Variants in ATF1 observed in about 807,000 individuals in gnomAD.
ATF1 encodes the protein cyclic AMP-dependent transcription factor ATF-1.
ATF1 carries 16 observed loss-of-function variants against 34.7 expected under a neutral mutation model. The ratio of observed to expected loss-of-function variants is 0.46; its 90% CI spans 0.31 to 0.70. ATF1 has a LOEUF of 0.70. ATF1 is among the 30% of genes least tolerant of loss of function. The probability of loss-of-function intolerance (pLI) is 0.05; values close to 1 mark genes in which losing one functional copy is unlikely to be tolerated. For synonymous variants in ATF1, 105 were observed against 113.1 expected, an observed-to-expected ratio of 0.93 and a Z score of 0.46; for missense variants, 255 against 321.6, an observed-to-expected ratio of 0.79 and a Z score of 1.58.
chr12:50,814,373 T>C lies in ATF1; in HGVS notation c.605T>C (p.Leu202Pro), dbSNP rs1174926851. 11 of 1,614,202 alleles carry C rather than the reference T, an allele frequency of 6.8e-6. No individual in the cohort carries two copies. The highest frequency in any genetic ancestry group is 1.7e-5 in the Admixed American group (1 of 60,028). ...GTGGTGATGACATCTCCTGTGACTC[T>C]CACCTCTCAGACAACTAAGACAGAT... ...QTVVMTSPVT[L>P]TSQTTKTDDP... is the part of the protein sequence containing the mutation. The change falls in exon 6 of 7, where the codon CTC becomes CCC. Residue 202 changes from leucine to proline, a missense_variant. Physicochemically the swap from Leu to Pro is moderately conservative, Grantham distance 98. Around this residue, in one of 2 missense-constraint regions of ATF1, gnomAD observed 221 missense variants for 250.7 expected, o/e 0.88. Transcript: ENST00000262053.
intron 1 of ATF1, among the ~76,000 whole-genome samples, chr12:50,767,448 A>G (rs1940664900): frequency 6.6e-6 from 1 of 152,164 alleles, no homozygotes; most frequent in African/African-American, 2.4e-5. Context: ...TGAACCCGGG[A>G]GGCGGAGGTT....
At chr12:50,789,143 A>C (rs928929017) in intron 2 of ATF1, among the ~76,000 whole-genome samples, 3 of 151,768 alleles carry the variant, frequency 2.0e-5, no homozygotes, top group Non-Finnish European at 2.9e-5. Flanking sequence ...CAGTGGTGCA[A>C]TCTCAACTCA....
rs754405187 is a variant in ATF1 at position 50,808,098 on chromosome 12, CTG to C, written c.195-1355_195-1354del. On this transcript the variant is annotated intron_variant, in intron 3 of 6. Transcript: ENST00000262053. ...GTGCTGGGATTATAGGCGTCAGCCA[CTG>C]TGCCCATCCCCAATTGTCTTGAAAG... 6.4e-4 allele frequency among the ~76,000 whole-genome samples: 97 copies of C among 152,324 alleles called. No homozygotes were observed. The Middle Eastern group carries it at 0.027, about 43-fold the overall frequency.
chr12:50,773,444 C>CTTTTTTTTTT (rs71086476), intron 1 of ATF1, among the ~76,000 whole-genome samples: 2 of 89,568 alleles, frequency 2.2e-5, no homozygotes, highest in Non-Finnish European at 4.0e-5. Flanking sequence ...AATTGCCATT[C>CTTTTTTTTTT]TTTTTTTTTT....
chr12:50,810,598 A>G (rs138124735), intron 4 of ATF1, among the ~76,000 whole-genome samples: 1 of 152,246 alleles, frequency 6.6e-6, no homozygotes, highest in South Asian at 2.1e-4. Flanking sequence ...TAAGTCTATG[A>G]GTTTTGACAA....
At chr12:50,814,650 G>A (rs868765653) in intron 6 of ATF1, among the ~76,000 whole-genome samples, 11 of 152,118 alleles carry the variant, frequency 7.2e-5, no homozygotes, top group African/African-American at 2.2e-4. Context: ...CATTACTCAC[G>A]TTTGTGGCAA....
chr12:50,783,520 A>G (rs1040475989), intron 2 of ATF1, among the ~76,000 whole-genome samples: 5 of 152,202 alleles, frequency 3.3e-5, no homozygotes, highest in Non-Finnish European at 7.3e-5. Flanking sequence ...TTTACGGTGA[A>G]GTGGAATAAA....
chr12:50,773,131 G>T (rs1940819118), intron 1 of ATF1, among the ~76,000 whole-genome samples: 1 of 152,144 alleles, frequency 6.6e-6, no homozygotes, highest in Non-Finnish European at 1.5e-5. Flanking sequence ...AGTATTCCAT[G>T]ATATATATGT....
chr12:50,809,373 CAAAAAAAAAAA>C, intron 3 of ATF1, 72 bp from the exon 4 acceptor site: 1 of 758,210 alleles, frequency 1.3e-6, no homozygotes, highest in African/African-American at 2.8e-5. Context: ...GATCTTGTCT[CAAAAAAAAAAA>C]AAAAAAAAAA....
chr12:50,792,768 CT>C (rs372330440), intron 2 of ATF1, among the ~76,000 whole-genome samples: 3,379 of 144,592 alleles, frequency 0.023, 50 homozygotes, highest in East Asian at 0.04. Flanking sequence ...AAATGAGGGA[CT>C]TTTTTTTTTT....
chr12:50,798,343 C>G (rs916750967), intron 3 of ATF1, among the ~76,000 whole-genome samples: 2 of 150,874 alleles, frequency 1.3e-5, no homozygotes, highest in Non-Finnish European at 3.0e-5. Flanking sequence ...GAGTCTCGCT[C>G]TGTCATCCAG....
At chr12:50,769,649 GTA>G (rs1940724167) in intron 1 of ATF1, among the ~76,000 whole-genome samples, 1 of 152,140 alleles carries the variant, frequency 6.6e-6, no homozygotes, top group Non-Finnish European at 1.5e-5. Flanking sequence ...ATGATTTAGT[GTA>G]TGTTATTAAT....
chr12:50,813,527 C>T (rs1316808312), intron 4 of ATF1, among the ~76,000 whole-genome samples: 1 of 152,050 alleles, frequency 6.6e-6, no homozygotes, highest in African/African-American at 2.4e-5. Flanking sequence ...AATTAACTAT[C>T]ATGGGGCCAA....
chr12:50,808,582 A>T (rs1219957538), intron 3 of ATF1, among the ~76,000 whole-genome samples: 3 of 151,602 alleles, frequency 2.0e-5, no homozygotes, highest in African/African-American at 7.3e-5. Context: ...CGCCCACCTC[A>T]GCCTCCCAAA....
chr12:50,813,310 A>G (rs2139694696), intron 4 of ATF1, among the ~76,000 whole-genome samples: 1 of 152,316 alleles, frequency 6.6e-6, no homozygotes, highest in Non-Finnish European at 1.5e-5. Context: ...ATAACATGTA[A>G]TACATTTAAC....
At chr12:50,769,053 A>G (rs557624420) in intron 1 of ATF1, among the ~76,000 whole-genome samples, 2 of 152,350 alleles carry the variant, frequency 1.3e-5, no homozygotes, top group South Asian at 4.1e-4. Flanking sequence ...CACCAAAAGT[A>G]AAAGTCGCTA....
At chr12:50,773,931 G>C (rs147201867) in intron 1 of ATF1, among the ~76,000 whole-genome samples, 1 of 152,022 alleles carries the variant, frequency 6.6e-6, no homozygotes, top group Non-Finnish European at 1.5e-5. Context: ...ATCTCATTGC[G>C]GTTTTGATTT....
At chr12:50,818,687 G>T (rs1941891263) in intron 6 of ATF1, among the ~76,000 whole-genome samples, 1 of 152,116 alleles carries the variant, frequency 6.6e-6, no homozygotes, top group African/African-American at 2.4e-5. Context: ...TTGGCTCACT[G>T]CAACCTCCAC....
At chr12:50,794,684 G>A (rs1264137944) in intron 2 of ATF1, among the ~76,000 whole-genome samples, 1 of 152,032 alleles carries the variant, frequency 6.6e-6, no homozygotes, top group Non-Finnish European at 1.5e-5. Context: ...TGTAATCCCA[G>A]CACTTTGGGA....
Sources: allele counts gnomAD v4.1 joint callset (sites outside exome capture counted in the v4.1 genomes callset), GRCh38; gene constraint gnomAD v4.1.1; regional missense constraint gnomAD v4.1.1; transcripts MANE v1.5; gene names NCBI Gene and HGNC (gene_info 2026-07-23, HGNC 2026-07-21).